The following CCNB3 variants were observed in gnomAD, a reference collection of about 807,000 sequenced individuals.
CCNB3 encodes G2/mitotic-specific cyclin-B3.
A neutral mutation model predicts 68.0 loss-of-function variants in CCNB3; 12 were observed. That is an observed-to-expected ratio of 0.18 (90% CI 0.11 to 0.29). The LOEUF (loss-of-function observed/expected upper bound fraction) is 0.29, where lower values mean the gene tolerates loss of function less well. Among genes scored for constraint, CCNB3 ranks in the 10% least tolerant of loss-of-function variants. The pLI, the probability that CCNB3 is intolerant of heterozygous loss-of-function variation, is 1.00. For synonymous variants in CCNB3, 354 were observed against 388.9 expected, an observed-to-expected ratio of 0.91 and a Z score of 1.06; for missense variants, 904 against 993.1, an observed-to-expected ratio of 0.91 and a Z score of 1.21.
chrX:50,279,769 T>C (rs1936069901), intron 1 of CCNB3, among the ~76,000 whole-genome samples: 1 of 89,719 alleles, frequency 1.1e-5, no homozygotes, highest in African/African-American at 4.0e-5. Flanking sequence ...TATATATGAA[T>C]ATGTATATTC....
At chrX:50,305,818 C>T (rs782795135) in intron 5 of CCNB3, among the ~76,000 whole-genome samples, 25 of 92,094 alleles carry the variant, frequency 2.7e-4, no homozygotes, top group Non-Finnish European at 4.2e-4. Context: ...GCTCTGCCAC[C>T]GAGGCTGGAG....
At chrX:50,326,329 C>T (rs1569543255) in intron 8 of CCNB3, among the ~76,000 whole-genome samples, 1 of 111,744 alleles carries the variant, frequency 8.9e-6, no homozygotes, top group African/African-American at 3.2e-5. Flanking sequence ...TTTGACATTT[C>T]TAGATGTGAG....
At chrX:50,284,688 T>A (rs142579882) in intron 2 of CCNB3, 72 bp downstream of exon 2, 1 of 125,237 alleles carries the variant, frequency 8.0e-6, no homozygotes, top group Non-Finnish European at 1.6e-5. Flanking sequence ...TTAAGAACAT[T>A]GGCTCTACCA....
At chrX:50,227,811 A>AT (rs1935926022) in intron 1 of CCNB3, among the ~76,000 whole-genome samples, 5 of 80,137 alleles carry the variant, frequency 6.2e-5, no homozygotes, top group African/African-American at 2.1e-4. Flanking sequence ...AATAAATATA[A>AT]ATATATAGAG....
chrX:50,323,210 A>C (rs1476406614), intron 8 of CCNB3, among the ~76,000 whole-genome samples: 1 of 111,568 alleles, frequency 9.0e-6, no homozygotes. Context: ...AAAATGTGGC[A>C]CATATACACC....
chrX:50,291,030 A>C (rs1450759155), intron 4 of CCNB3, among the ~76,000 whole-genome samples: 1 of 111,623 alleles, frequency 9.0e-6, no homozygotes, highest in Non-Finnish European at 1.9e-5. Context: ...TCTTACAGTC[A>C]GTATTATTAG....
chrX:50,342,785 T>C (rs1372461368), intron 9 of CCNB3, among the ~76,000 whole-genome samples: 1 of 111,314 alleles, frequency 9.0e-6, no homozygotes, highest in African/African-American at 3.3e-5. Context: ...TAGCTCACCA[T>C]AACCTCAAAC....
intron 8 of CCNB3, among the ~76,000 whole-genome samples, chrX:50,338,773 T>C (rs1922982504): frequency 1.8e-5 from 2 of 112,532 alleles, no homozygotes; most frequent in African/African-American, 6.5e-5. Flanking sequence ...ACTTTTGCTG[T>C]AGTTTCTAAT....
chrX:50,279,901 G>A (rs1387711154), intron 1 of CCNB3, among the ~76,000 whole-genome samples: 4 of 82,602 alleles, frequency 4.8e-5, no homozygotes, highest in Admixed American at 1.7e-4. Flanking sequence ...AATATATAGT[G>A]TATATATATA....
chrX:50,227,717 T>C (rs1935916661), intron 1 of CCNB3, among the ~76,000 whole-genome samples: 1 of 91,896 alleles, frequency 1.1e-5, no homozygotes, highest in Admixed American at 1.4e-4. Context: ...TATATATAAA[T>C]ATATAGAGAG....
At chrX:50,210,913 T>C (rs1176038321) in intron 1 of CCNB3, among the ~76,000 whole-genome samples, 1 of 111,353 alleles carries the variant, frequency 9.0e-6, no homozygotes, top group Non-Finnish European at 1.9e-5. Context: ...AGATTTTTTT[T>C]CCTCCCTGTC....
chrX:50,205,887 G>A (rs782402418), intron 1 of CCNB3, among the ~76,000 whole-genome samples: 1 of 109,325 alleles, frequency 9.1e-6, no homozygotes, highest in South Asian at 4.0e-4. Flanking sequence ...GGCAGAGGTT[G>A]TAGTGAGACG....
chrX:50,297,948 A>G (rs1340932767), intron 5 of CCNB3, among the ~76,000 whole-genome samples: 3 of 111,752 alleles, frequency 2.7e-5, no homozygotes, highest in African/African-American at 9.8e-5. Context: ...TTATTGGTGT[A>G]TAAGAATACT....
At position 50,311,170 on chromosome X, in the gene CCNB3, G is replaced by T. The variant is rs6614336; in HGVS notation, c.3001G>T (p.Gly1001Cys). ...TACCATGACCAGTGTGGGCAAATCTGGTACCATCAATGAGGCATTCCTCTT... is the reference window on the plus strand; with the variant it reads ...TACCATGACCAGTGTGGGCAAATCTTGTACCATCAATGAGGCATTCCTCTT... ...IATMTSVGKS[G>C]TINEAFLFED... The change falls in exon 6 of 13, where the codon GGT becomes TGT. Residue 1001 changes from glycine (G) to cysteine (C), a missense_variant. By Grantham distance (159) the Gly-to-Cys change is radical (BLOSUM62 -3). Coordinates refer to ENST00000376042, the MANE Select transcript of CCNB3 (RefSeq NM_033031.3). 8.4e-7 allele frequency: 1 copy of T among 1,184,687 alleles called. No homozygotes were observed.
chrX:50,330,868 GC>G (rs1235266255), intron 8 of CCNB3, among the ~76,000 whole-genome samples: 4 of 112,127 alleles, frequency 3.6e-5, no homozygotes, highest in Non-Finnish European at 7.5e-5. Flanking sequence ...TCAGCTGCTA[GC>G]AAGTAGTTGA....
chrX:50,299,236 T>C (rs2147043823), intron 5 of CCNB3, among the ~76,000 whole-genome samples: 1 of 111,617 alleles, frequency 9.0e-6, no homozygotes, highest in Admixed American at 9.5e-5. Context: ...GGGTGTCCAT[T>C]TTAGATCTTT....
intron 3 of CCNB3, among the ~76,000 whole-genome samples, chrX:50,287,296 T>A (rs1352243283): frequency 2.7e-5 from 3 of 111,032 alleles, no homozygotes; most frequent in Non-Finnish European, 3.8e-5. Context: ...ACAGAATATG[T>A]GGGAAAAAAG....
At chrX:50,349,998 G>A (rs923573352) in intron 11 of CCNB3, among the ~76,000 whole-genome samples, 1 of 111,007 alleles carries the variant, frequency 9.0e-6, no homozygotes, top group African/African-American at 3.3e-5. Context: ...GACAGAGTTC[G>A]TGGGTCCTGC....
At chrX:50,323,752 G>A (rs928899724) in intron 8 of CCNB3, among the ~76,000 whole-genome samples, 1 of 111,653 alleles carries the variant, frequency 9.0e-6, no homozygotes, top group African/African-American at 3.3e-5. Context: ...TCTGTTGAAG[G>A]ATGCTGTCAT....
Sources: gnomAD v4.1 joint callset for allele counts (sites outside exome capture counted in the v4.1 genomes callset) on GRCh38, gnomAD v4.1.1 for gene constraint, MANE v1.5 for transcripts, NCBI Gene and HGNC (gene_info 2026-07-23, HGNC 2026-07-21) for gene names.